Variants in NAA15 observed in about 807,000 individuals in gnomAD.
NAA15 encodes N-alpha-acetyltransferase 15, NatA auxiliary subunit.
A neutral mutation model predicts 114.0 loss-of-function variants in NAA15; 34 were observed. The observed-to-expected ratio is 0.30, with a 90% CI of 0.23 to 0.40. The LOEUF (loss-of-function observed/expected upper bound fraction) is 0.40. Ranked by LOEUF, NAA15 falls within the 10% of genes least tolerant of loss-of-function variation. NAA15 has a pLI of 1.00. For missense variants in NAA15, 658 were observed against 1,004.5 expected (o/e 0.66, Z 4.66); for synonymous variants, 340 against 338.0 (o/e 1.01, Z -0.06).
intron 11 of NAA15, 76 bp downstream of exon 11, chr4:139,357,631 C>T (rs781657969): frequency 1.1e-6 from 1 of 937,282 alleles, no homozygotes; most frequent in African/African-American, 1.7e-5. Context: ...TTTATAGATT[C>T]TAAATATAGG....
chr4:139,315,118 A>G (rs7441595), intron 1 of NAA15, among the ~76,000 whole-genome samples: 21,846 of 150,142 alleles, frequency 0.15, 2,276 homozygotes, highest in South Asian at 0.37. Flanking sequence ...GCTGGAGTGC[A>G]GTGGCGCGAT....
At chr4:139,334,060 AAGCATATGGAAAT>A (rs1297818431) in intron 1 of NAA15, 101 bp from the exon 2 acceptor site, 1 of 662,082 alleles carries the variant, frequency 1.5e-6, no homozygotes, top group Non-Finnish European at 2.6e-6. Context: ...CGAGATTTAG[AAGCATATGGAAAT>A]AGCATTCTGT....
intron 18 of NAA15, among the ~76,000 whole-genome samples, chr4:139,385,253 A>G (rs1264880302): frequency 7.6e-6 from 1 of 131,364 alleles, no homozygotes; most frequent in Non-Finnish European, 1.6e-5. Context: ...CCTGTTTCAA[A>G]TCAAAACAAA....
rs1747767018 is a variant in NAA15 at position 139,351,179 on chromosome 4, CT to C, written c.812-9del. ...TGATTATATATAACAAAGAATTTTT[CT>C]TTGTTTGCAGCTAATATGTTAGAAC... is the stretch of plus-strand genomic sequence containing the variant. On this transcript the variant is annotated splice_polypyrimidine_tract_variant and intron_variant, in intron 7 of 19. Coordinates refer to ENST00000296543, the MANE Select transcript of NAA15 (RefSeq NM_057175.5). 6.1e-6 allele frequency: 9 copies of C among 1,479,426 alleles called. No individual in the cohort carries two copies. Among genetic ancestry groups the C allele is most frequent in the Non-Finnish European group, 7.4e-6 (8 of 1,087,724 alleles). The allele number at this position is 1,479,426 out of a possible 1,614,324, so 91.6% of individuals were successfully genotyped here.
intron 1 of NAA15, chr4:139,302,048 T>C (rs933793985): frequency 4.5e-6 from 2 of 440,820 alleles, no homozygotes; most frequent in Admixed American, 4.3e-5. Flanking sequence ...ATCCCCACGC[T>C]TGAGGCCCTG....
chr4:139,344,157 C>A, intron 5 of NAA15, 29 bp from the exon 6 acceptor site: 1 of 1,516,162 alleles, frequency 6.6e-7, no homozygotes, highest in Non-Finnish European at 8.9e-7. Context: ...AAAATTCTTA[C>A]TGTCAGTATT....
intron 6 of NAA15, among the ~76,000 whole-genome samples, chr4:139,346,914 G>GT (rs1456698590): frequency 6.6e-6 from 1 of 152,308 alleles, no homozygotes; most frequent in Admixed American, 6.5e-5. Flanking sequence ...GATGGGTATA[G>GT]TGTAGAGGGG....
chr4:139,339,940 C>T lies in NAA15; in HGVS notation c.245-972C>T, dbSNP rs146581417. Among the ~76,000 whole-genome samples, 30 of 152,258 alleles carry T rather than the reference C, an allele frequency of 2.0e-4. No homozygotes were observed. The East Asian group carries it at 3.7e-3, about 19-fold the overall frequency. On this transcript the variant is annotated intron_variant, in intron 3 of 19. Transcript: ENST00000296543. ...CCTTGATAGCAGTTTTTACAACCTACTTTAATTTTGCTTATTTATCTGTCC... is the reference window on the plus strand; with the variant it reads ...CCTTGATAGCAGTTTTTACAACCTATTTTAATTTTGCTTATTTATCTGTCC...
At chr4:139,353,344 T>G (rs551666613) in intron 9 of NAA15, among the ~76,000 whole-genome samples, 4 of 152,266 alleles carry the variant, frequency 2.6e-5, no homozygotes, top group African/African-American at 9.6e-5. Context: ...TTTATTGAGG[T>G]TTTGGAAAGA....
At chr4:139,368,449 A>G (rs1352077697) in intron 14 of NAA15, among the ~76,000 whole-genome samples, 1 of 152,182 alleles carries the variant, frequency 6.6e-6, no homozygotes, top group Non-Finnish European at 1.5e-5. Context: ...CAGCTGGAGC[A>G]TCTGAAGGAT....
intron 15 of NAA15, 54 bp downstream of exon 15, chr4:139,370,458 G>A (rs759980036): frequency 2.2e-5 from 33 of 1,468,290 alleles, no homozygotes; most frequent in Non-Finnish European, 2.9e-5. Flanking sequence ...ACCAGCTCTT[G>A]TCATTTTTAT....
At chr4:139,321,150 A>G (rs968243118) in intron 1 of NAA15, among the ~76,000 whole-genome samples, 1 of 150,020 alleles carries the variant, frequency 6.7e-6, no homozygotes, top group African/African-American at 2.5e-5. Flanking sequence ...AATATTTCTA[A>G]TTTTTTTCTA....
In NAA15 at chr4:139,384,874, T is replaced by A; in HGVS notation, c.2198T>A (p.Val733Glu). The A allele has an allele frequency of 6.4e-7, 1 of 1,551,606 alleles. No homozygotes were observed. The highest frequency in any genetic ancestry group is 8.7e-7 in the Non-Finnish European group (1 of 1,145,124). ...SKDLSDTVRT[V>E]LKQEMNRLFG... Reference sequence around the variant, plus strand: ...GATTTATCTGATACAGTTAGAACAGTATTAAAACAAGAAATGAATCGTCTT... The same window carrying A: ...GATTTATCTGATACAGTTAGAACAGAATTAAAACAAGAAATGAATCGTCTT... Residue 733 changes from valine to glutamate, a missense_variant, in exon 18 of 20, where the codon GTA becomes GAA. Physicochemically the swap from Val to Glu is moderately radical, Grantham distance 121. Coordinates refer to ENST00000296543, the MANE Select transcript of NAA15 (RefSeq NM_057175.5).
intron 13 of NAA15, 44 bp from the exon 14 acceptor site, chr4:139,361,680 C>A: frequency 8.4e-7 from 1 of 1,191,650 alleles, no homozygotes. Flanking sequence ...TTTTCTTAGC[C>A]ATTGCTGTAC....
At chr4:139,315,013 T>TC (rs1560952827) in intron 1 of NAA15, among the ~76,000 whole-genome samples, 52 of 132,032 alleles carry the variant, frequency 3.9e-4, no homozygotes, top group African/African-American at 1.5e-3. Flanking sequence ...TAGTTTAGGT[T>TC]AGGTTAGGTT....
chr4:139,302,414 ACC>A, intron 1 of NAA15: 1 of 152,260 alleles, frequency 6.6e-6, no homozygotes, highest in South Asian at 2.1e-4. Context: ...TCAAACGACT[ACC>A]TCCTTGTAGT....
chr4:139,366,605 T>G (rs1560976252), intron 14 of NAA15, among the ~76,000 whole-genome samples: 1 of 150,356 alleles, frequency 6.7e-6, no homozygotes, highest in Non-Finnish European at 1.5e-5. Flanking sequence ...ATTTTTGGGT[T>G]TTTTTTTTTT....
At chr4:139,343,392 G>A (rs1188832476) in intron 5 of NAA15, among the ~76,000 whole-genome samples, 1 of 152,162 alleles carries the variant, frequency 6.6e-6, no homozygotes, top group Non-Finnish European at 1.5e-5. Flanking sequence ...AATTGTCCTA[G>A]TTATAGCCTT....
At position 139,311,824 on chromosome 4, in the gene NAA15, C is replaced by T. The variant is rs534783338; in HGVS notation, c.54+9993C>T. 1.3e-4 allele frequency among the ~76,000 whole-genome samples: 19 copies of T among 151,768 alleles called. 1 individual carries two copies. The South Asian group carries it at 2.3e-3, about 18-fold the overall frequency. On this transcript the variant is annotated intron_variant, in intron 1 of 19. Transcript: ENST00000296543. ...AATATAAAATGTTAGAAGAGCTGGG[C>T]GCAGGGGTGCATGCCAGTTACTCAG...
Sources: allele counts gnomAD v4.1 joint callset (sites outside exome capture counted in the v4.1 genomes callset), GRCh38; gene constraint gnomAD v4.1.1; transcripts MANE v1.5; gene names NCBI Gene and HGNC (gene_info 2026-07-23, HGNC 2026-07-21).